The following EFCAB5 variants were observed in gnomAD, a reference collection of about 807,000 sequenced individuals.
EFCAB5 encodes EF-hand calcium binding domain 5.
EFCAB5 carries 131 observed loss-of-function variants against 167.9 expected under a neutral mutation model. That is an observed-to-expected ratio of 0.78 (90% CI 0.68 to 0.90). The LOEUF (loss-of-function observed/expected upper bound fraction) is 0.90. EFCAB5 is among the 40% of genes least tolerant of loss of function. The probability of loss-of-function intolerance (pLI) is 0.00; values close to 1 mark genes in which losing one functional copy is unlikely to be tolerated. For synonymous variants in EFCAB5, 574 were observed against 602.8 expected (o/e 0.95, Z 0.70); for missense variants, 1,663 against 1,745.2 (o/e 0.95, Z 0.84).
intron 1 of EFCAB5, chr17:29,929,912 C>A (rs770322310): frequency 1.3e-6 from 2 of 1,573,378 alleles, no homozygotes; most frequent in South Asian, 2.3e-5. Context: ...CAGAAGCAAG[C>A]GGAGCGGCCG....
At chr17:30,089,253 C>A (rs1446890893) in intron 19 of EFCAB5, among the ~76,000 whole-genome samples, 1 of 152,034 alleles carries the variant, frequency 6.6e-6, no homozygotes, top group African/African-American at 2.4e-5. Context: ...GACCAATGGG[C>A]TCTATTGTTA....
intron 4 of EFCAB5, among the ~76,000 whole-genome samples, chr17:29,969,826 TAGA>T (rs1295580013): frequency 1.3e-5 from 2 of 152,198 alleles, no homozygotes; most frequent in East Asian, 3.8e-4. Context: ...TAGATCCTTA[TAGA>T]ATTTCTTTAT....
intron 12 of EFCAB5, among the ~76,000 whole-genome samples, chr17:30,056,695 TG>T (rs1278734702): frequency 2.6e-5 from 4 of 152,230 alleles, no homozygotes; most frequent in African/African-American, 9.6e-5. Context: ...GCTACTATAT[TG>T]TTTTGCCTTT....
intron 22 of EFCAB5, among the ~76,000 whole-genome samples, chr17:30,098,304 C>T (rs528116469): frequency 1.9e-4 from 29 of 151,210 alleles, no homozygotes; most frequent in Non-Finnish European, 3.5e-4. Context: ...GTGGGCTGAT[C>T]GCTTGAGCCC....
chr17:30,029,591 A>G (rs1363195392), intron 7 of EFCAB5, among the ~76,000 whole-genome samples: 2 of 151,624 alleles, frequency 1.3e-5, no homozygotes, highest in African/African-American at 4.8e-5. Context: ...TTTCCTCCCT[A>G]AAACTGGAAA....
chr17:30,061,682 C>A (rs1452136867), intron 14 of EFCAB5, among the ~76,000 whole-genome samples: 1 of 152,078 alleles, frequency 6.6e-6, no homozygotes, highest in African/African-American at 2.4e-5. Flanking sequence ...CTCAAATGAT[C>A]CTCCCATCTC....
At chr17:30,095,517 C>G (rs533136708) in intron 22 of EFCAB5, among the ~76,000 whole-genome samples, 1 of 152,326 alleles carries the variant, frequency 6.6e-6, no homozygotes, top group South Asian at 2.1e-4. Context: ...CCTGGGAGAT[C>G]CTTCCCTAAT....
chr17:30,043,099 G>C (rs946494901), intron 8 of EFCAB5, among the ~76,000 whole-genome samples: 1 of 151,910 alleles, frequency 6.6e-6, no homozygotes, highest in Non-Finnish European at 1.5e-5. Flanking sequence ...GGGAAACATA[G>C]CAAGACCACC....
chr17:30,094,519 A>AT (rs1043516041), intron 22 of EFCAB5, among the ~76,000 whole-genome samples: 11 of 149,324 alleles, frequency 7.4e-5, no homozygotes, highest in African/African-American at 2.5e-4. Flanking sequence ...AAAAAAAAAA[A>AT]AAAAAAAAAA....
intron 14 of EFCAB5, chr17:30,073,057 C>CTTTCT (rs2070780755): frequency 3.2e-6 from 2 of 631,766 alleles, no homozygotes; most frequent in Non-Finnish European, 5.7e-6. Context: ...CATGCCCAAC[C>CTTTCT]TTTATTTTTT....
At chr17:30,069,905 T>C (rs540142071) in intron 14 of EFCAB5, among the ~76,000 whole-genome samples, 16 of 152,328 alleles carry the variant, frequency 1.1e-4, no homozygotes, top group African/African-American at 3.6e-4. Flanking sequence ...ATCATAAGGC[T>C]AGACAAACTG....
At chr17:29,950,689 C>G (rs1345018918) in intron 3 of EFCAB5, 1 of 152,100 alleles carries the variant, frequency 6.6e-6, no homozygotes, top group East Asian at 1.9e-4. Flanking sequence ...TGATTTTCTT[C>G]ATAACATTTT....
chr17:29,940,149 C>T (rs1292745975), upstream of EFCAB5, among the ~76,000 whole-genome samples: 3 of 151,338 alleles, frequency 2.0e-5, no homozygotes, highest in Admixed American at 6.6e-5. Context: ...GATCTTGGCT[C>T]GCTGCAACCT....
chr17:29,936,835 AAT>A (rs1349691683), upstream of EFCAB5, among the ~76,000 whole-genome samples: 3 of 152,230 alleles, frequency 2.0e-5, no homozygotes, highest in Non-Finnish European at 4.4e-5. Flanking sequence ...CAAGATGCTC[AAT>A]ATCTCTGTAG....
At chr17:30,073,701 A>G (rs1291795352) in intron 14 of EFCAB5, 2 of 715,132 alleles carry the variant, frequency 2.8e-6, no homozygotes, top group Non-Finnish European at 5.2e-6. Flanking sequence ...AATGAGATGC[A>G]AAAATTTTAA....
intron 14 of EFCAB5, chr17:30,069,293 G>A: frequency 2.7e-6 from 4 of 1,494,692 alleles, no homozygotes; most frequent in African/African-American, 1.4e-5. Context: ...AGATGGCAAA[G>A]GTGAAGATGA....
At chr17:29,958,740 C>T (rs1191235576) in intron 3 of EFCAB5, among the ~76,000 whole-genome samples, 1 of 152,158 alleles carries the variant, frequency 6.6e-6, no homozygotes, top group Non-Finnish European at 1.5e-5. Flanking sequence ...TCTTCACAGT[C>T]TGGGCTTGTT....
chr17:30,032,854 G>A (rs1382357927), intron 7 of EFCAB5, among the ~76,000 whole-genome samples: 1 of 150,568 alleles, frequency 6.6e-6, no homozygotes, highest in Admixed American at 6.6e-5. Context: ...AGAGAGTAGA[G>A]GTAAAATTTT....
intron 3 of EFCAB5, among the ~76,000 whole-genome samples, chr17:29,946,415 G>A (rs1481662123): frequency 1.4e-5 from 2 of 145,174 alleles, no homozygotes; most frequent in African/African-American, 5.0e-5. Context: ...TTATGGAAAA[G>A]AGTATGGAAA....
Sources: allele counts gnomAD v4.1 joint callset (sites outside exome capture counted in the v4.1 genomes callset), GRCh38; gene constraint gnomAD v4.1.1; transcripts MANE v1.5; gene names NCBI Gene and HGNC (gene_info 2026-07-23, HGNC 2026-07-21).